Variants in ENTPD5 observed in about 807,000 individuals in gnomAD.
ENTPD5 encodes the protein ectonucleoside triphosphate diphosphohydrolase 5 (inactive).
A neutral mutation model predicts 60.2 loss-of-function variants in ENTPD5; 49 were observed. The ratio of observed to expected loss-of-function variants is 0.81; its 90% CI spans 0.65 to 1.03. The LOEUF (loss-of-function observed/expected upper bound fraction) is 1.03. ENTPD5 is among the 50% of genes least tolerant of loss of function. The probability of loss-of-function intolerance (pLI) is 0.00; values close to 1 mark genes in which losing one functional copy is unlikely to be tolerated. For missense variants in ENTPD5, 480 were observed against 507.6 expected (o/e 0.95, Z 0.52); for synonymous variants, 187 against 185.4 (o/e 1.01, Z -0.07).
chr14:73,975,711 T>G (rs768591937), intron 10 of ENTPD5, among the ~76,000 whole-genome samples: 1 of 152,112 alleles, frequency 6.6e-6, no homozygotes, highest in African/African-American at 2.4e-5. Flanking sequence ...AGCCGAAAAC[T>G]TTTGACTCTT....
At chr14:73,996,163 C>T in intron 3 of ENTPD5, 3 of 985,376 alleles carry the variant, frequency 3.0e-6, no homozygotes, top group Non-Finnish European at 3.6e-6. Context: ...TTGCCTTTTG[C>T]TCTTTGCTCC....
downstream of ENTPD5, chr14:73,960,599 C>CATTA (rs1162706143): frequency 2.9e-6 from 3 of 1,039,246 alleles, no homozygotes; most frequent in African/African-American, 5.1e-5. Context: ...AGTCATTCAC[C>CATTA]ATTAATTGTC....
chr14:73,983,047 C>G lies in ENTPD5; in HGVS notation c.412G>C (p.Glu138Gln). 1 of 1,614,150 alleles carries G rather than the reference C, an allele frequency of 6.2e-7. No homozygotes were observed. The highest frequency in any genetic ancestry group is 8.5e-7 in the Non-Finnish European group (1 of 1,180,002). The change falls in exon 6 of 16, where the codon GAA becomes CAA. Residue 138 changes from glutamate (E) to glutamine (Q), a missense_variant. By Grantham distance (29) the Glu-to-Gln change is conservative. Transcript: ENST00000334696. ...KATAGLRLLP[E>Q]HKAKALLFEV... ...AAGAGCAGAGCCTTGGCTTTGTGTTCTGGCAGTAAGCGTAGTCCTGCTGTT... is the reference window on the plus strand; with the variant it reads ...AAGAGCAGAGCCTTGGCTTTGTGTTGTGGCAGTAAGCGTAGTCCTGCTGTT...
intron 3 of ENTPD5, among the ~76,000 whole-genome samples, chr14:73,995,247 C>A (rs1156314246): frequency 6.6e-6 from 1 of 151,900 alleles, no homozygotes; most frequent in Non-Finnish European, 1.5e-5. Context: ...AGGGTTTTGC[C>A]ATGTTGGCCA....
chr14:73,964,278 A>G lies in ENTPD5; in HGVS notation c.*2650T>C, dbSNP rs1236948509. ...TCCTAAGTATTTTAAATATGTTAAC[A>G]CATCTACAAAGAGGAAACTATTAGA... On this transcript the variant is annotated 3_prime_UTR_variant, in exon 16 of 16. Coordinates refer to ENST00000334696, the MANE Select transcript of ENTPD5 (RefSeq NM_001249.5). 2.6e-5 allele frequency: 4 copies of G among 152,210 alleles called. No individual in the cohort carries two copies. The highest frequency in any genetic ancestry group is 9.7e-5 in the African/African-American group (4 of 41,450). 9.4% of individuals were successfully genotyped at this position (152,210 alleles called of 1,614,324 possible).
At chr14:74,008,715 C>G (rs1269213237) in intron 3 of ENTPD5, among the ~76,000 whole-genome samples, 2 of 152,054 alleles carry the variant, frequency 1.3e-5, no homozygotes, top group Non-Finnish European at 2.9e-5. Flanking sequence ...TTTTTTCTTT[C>G]TTAAGACAGG....
intron 3 of ENTPD5, among the ~76,000 whole-genome samples, chr14:74,003,090 T>C (rs908996490): frequency 1.3e-5 from 2 of 152,230 alleles, no homozygotes; most frequent in Non-Finnish European, 2.9e-5. Flanking sequence ...ATCTACTTAA[T>C]ACTATAACCT....
At chr14:74,016,611 G>A (rs529655304) in intron 1 of ENTPD5, among the ~76,000 whole-genome samples, 1 of 152,140 alleles carries the variant, frequency 6.6e-6, no homozygotes, top group Admixed American at 6.5e-5. Flanking sequence ...ACTCCAGCAT[G>A]GTTAAGAGTA....
chr14:73,961,898 C>G, downstream of ENTPD5: 1 of 1,614,156 alleles, frequency 6.2e-7, no homozygotes, highest in South Asian at 1.1e-5. Context: ...AGTGTCTCCA[C>G]TCAAAGTAAG....
At chr14:73,960,145 C>G (rs1287814671), downstream of ENTPD5, 5 of 989,950 alleles carry the variant, frequency 5.1e-6, no homozygotes, top group Non-Finnish European at 6.0e-6. Context: ...CTGAACCTTT[C>G]AAGCCTGATT....
downstream of ENTPD5, chr14:73,963,178 G>C: frequency 1.4e-6 from 1 of 693,300 alleles, no homozygotes; most frequent in Non-Finnish European, 2.6e-6. Flanking sequence ...TTTGCTGTGA[G>C]GAGCGTATAT....
At chr14:74,003,188 T>C (rs1270671046) in intron 3 of ENTPD5, among the ~76,000 whole-genome samples, 1 of 152,206 alleles carries the variant, frequency 6.6e-6, no homozygotes, top group Non-Finnish European at 1.5e-5. Context: ...ACTTATCACA[T>C]TCTAACATAC....
At chr14:73,973,139 G>A in intron 12 of ENTPD5, 115 bp from the exon 13 acceptor site, 1 of 1,269,334 alleles carries the variant, frequency 7.9e-7, no homozygotes, top group Non-Finnish European at 1.1e-6. Context: ...AAGGAAAGCA[G>A]GAGAAGGCTG....
chr14:73,982,367 G>T (rs7140260), intron 6 of ENTPD5, among the ~76,000 whole-genome samples: 5 of 152,110 alleles, frequency 3.3e-5, no homozygotes, highest in South Asian at 2.1e-4. Context: ...GAGCCACCGT[G>T]CCCAGCCTAA....
chr14:73,970,105 A>C lies in ENTPD5; in HGVS notation c.1105T>G (p.Phe369Val). 3 of 1,613,134 alleles carry C rather than the reference A, an allele frequency of 1.9e-6. No homozygotes were observed. Among genetic ancestry groups the C allele is most frequent in the Non-Finnish European group, 2.5e-6 (3 of 1,179,166 alleles). The change falls in exon 15 of 16, where the codon TTC becomes GTC. Residue 369 changes from phenylalanine to valine, a missense_variant. Coordinates refer to ENST00000334696, the MANE Select transcript of ENTPD5 (RefSeq NM_001249.5). ...CACAGGAAAGGACTGCCTGAGGTGA[A>C]GTTTTCCAAGTTATCACACACTGAA... ...AREVCDNLENFTSGSPFLCMD... is the reference protein window; with the variant it reads ...AREVCDNLENVTSGSPFLCMD...
chr14:73,995,775 T>C (rs1259166936), intron 3 of ENTPD5, among the ~76,000 whole-genome samples: 3 of 152,072 alleles, frequency 2.0e-5, no homozygotes, highest in African/African-American at 7.3e-5. Flanking sequence ...AGGCGTACTT[T>C]TTGTAGACTA....
downstream of ENTPD5, chr14:73,961,732 T>C (rs1046374166): frequency 6.2e-7 from 1 of 1,614,146 alleles, no homozygotes. Flanking sequence ...TCCTCTGCCC[T>C]TCAGGTTCCG....
intron 3 of ENTPD5, chr14:74,009,128 T>C (rs2058767573): frequency 6.6e-6 from 1 of 151,674 alleles, no homozygotes; most frequent in Non-Finnish European, 1.5e-5. Context: ...GCTGTTGCTA[T>C]TGTTGCCTCT....
chr14:73,968,273 G>C (rs1017536334), intron 15 of ENTPD5, among the ~76,000 whole-genome samples: 1 of 152,078 alleles, frequency 6.6e-6, no homozygotes. Context: ...AGTGTTTATC[G>C]GTTTATCAAT....
Sources: gnomAD v4.1 joint callset for allele counts (sites outside exome capture counted in the v4.1 genomes callset) on GRCh38, gnomAD v4.1.1 for gene constraint, MANE v1.5 for transcripts, NCBI Gene and HGNC (gene_info 2026-07-23, HGNC 2026-07-21) for gene names.